Variants in OR51B5 observed in about 807,000 individuals in gnomAD.
OR51B5 encodes the protein olfactory receptor family 51 subfamily B member 5, also known as olfactory receptor 51B5.
For missense variants in OR51B5, 456 were observed against 374.6 expected, an observed-to-expected ratio of 1.22 and a Z score of -1.79; for synonymous variants, 186 against 144.8, an observed-to-expected ratio of 1.28 and a Z score of -2.04.
At chr11:5,450,114 C>T (rs572624922) in intron 1 of OR51B5, among the ~76,000 whole-genome samples, 2 of 152,104 alleles carry the variant, frequency 1.3e-5, no homozygotes, top group Non-Finnish European at 2.9e-5. Flanking sequence ...ATACACCAGG[C>T]GTGGTGGCTC....
intron 1 of OR51B5, among the ~76,000 whole-genome samples, chr11:5,369,652 G>C (rs886147710): frequency 2.0e-5 from 3 of 151,846 alleles, no homozygotes; most frequent in Admixed American, 6.6e-5. Context: ...ATCCTCCCTG[G>C]AGATAATTTC....
At chr11:5,347,440 T>G (rs184689068), upstream of OR51B5, among the ~76,000 whole-genome samples, 53 of 152,306 alleles carry the variant, frequency 3.5e-4, no homozygotes, top group African/African-American at 1.1e-3. Flanking sequence ...CTTCTTGAGT[T>G]TAGCCTACCA....
At chr11:5,447,351 A>T (rs982422847) in intron 1 of OR51B5, among the ~76,000 whole-genome samples, 7 of 152,058 alleles carry the variant, frequency 4.6e-5, no homozygotes, top group African/African-American at 1.7e-4. Flanking sequence ...TGTGAGCTGC[A>T]TCTCTTCTAT....
At chr11:5,470,442 A>C (rs1851210999) in intron 1 of OR51B5, among the ~76,000 whole-genome samples, 1 of 152,164 alleles carries the variant, frequency 6.6e-6, no homozygotes, top group African/African-American at 2.4e-5. Context: ...AATACCTTGG[A>C]AATTATTGTC....
chr11:5,397,596 G>C (rs12805864), intron 1 of OR51B5, among the ~76,000 whole-genome samples: 74,129 of 146,010 alleles, frequency 0.51, 21,380 homozygotes, highest in Non-Finnish European at 0.67. Flanking sequence ...CTTTTACACT[G>C]TTGGTGGGAC....
intron 1 of OR51B5, among the ~76,000 whole-genome samples, chr11:5,427,807 T>A (rs1310160535): frequency 1.3e-5 from 2 of 152,138 alleles, no homozygotes; most frequent in East Asian, 3.8e-4. Context: ...TATTAGAAAA[T>A]AAAAACAACT....
At chr11:5,411,876 T>C (rs1850153696) in intron 1 of OR51B5, among the ~76,000 whole-genome samples, 1 of 152,164 alleles carries the variant, frequency 6.6e-6, no homozygotes, top group African/African-American at 2.4e-5. Context: ...AATCCAGGAA[T>C]GTGGTTGGCC....
chr11:5,432,953 C>T (rs1359886966), intron 1 of OR51B5, among the ~76,000 whole-genome samples: 2 of 152,146 alleles, frequency 1.3e-5, no homozygotes, highest in Non-Finnish European at 2.9e-5. Context: ...TAAAGATCAT[C>T]TCCATGTATC....
At chr11:5,369,996 G>C (rs1385101672) in intron 1 of OR51B5, among the ~76,000 whole-genome samples, 1 of 152,122 alleles carries the variant, frequency 6.6e-6, no homozygotes, top group African/African-American at 2.4e-5. Context: ...GTGTCAATCT[G>C]TATCAACAAG....
intron 1 of OR51B5, among the ~76,000 whole-genome samples, chr11:5,399,491 G>A (rs1273795502): frequency 2.0e-4 from 31 of 152,148 alleles, no homozygotes; most frequent in Admixed American, 6.5e-5. Context: ...GGTAAAGTAC[G>A]TAAAGTTATA....
chr11:5,400,811 C>G (rs115692473), intron 1 of OR51B5, among the ~76,000 whole-genome samples: 2,115 of 152,346 alleles, frequency 0.014, 44 homozygotes, highest in African/African-American at 0.048. Flanking sequence ...GGTGTGCTCA[C>G]TGGTTATAGA....
chr11:5,489,619 A>T (rs1324685098), intron 1 of OR51B5: 1 of 1,613,842 alleles, frequency 6.2e-7, no homozygotes. Context: ...GGAGATTCGG[A>T]GTCGACTTCT....
intron 1 of OR51B5, among the ~76,000 whole-genome samples, chr11:5,363,389 G>C (rs1452019851): frequency 6.8e-6 from 1 of 146,796 alleles, no homozygotes; most frequent in East Asian, 2.0e-4. Context: ...ATGGTGTTGA[G>C]TACATGATCC....
At chr11:5,405,142 A>G (rs10768920) in intron 1 of OR51B5, among the ~76,000 whole-genome samples, 127,519 of 152,142 alleles carry the variant, frequency 0.84, 53,933 homozygotes, top group Non-Finnish European at 0.89. Context: ...TTACATTTTC[A>G]GGGAAAGAAA....
chr11:5,364,749 A>T (rs957475885), intron 1 of OR51B5, among the ~76,000 whole-genome samples: 1 of 152,208 alleles, frequency 6.6e-6, no homozygotes, highest in African/African-American at 2.4e-5. Context: ...GAATGATCAA[A>T]GTCCCTTGTT....
At chr11:5,368,317 T>C (rs1849403298) in intron 1 of OR51B5, among the ~76,000 whole-genome samples, 1 of 152,228 alleles carries the variant, frequency 6.6e-6, no homozygotes, top group Non-Finnish European at 1.5e-5. Context: ...CAAAGCAATT[T>C]ATCTTTCTGT....
rs547004828 is a variant in OR51B5 at position 5,502,508 on chromosome 11, A to G, written n.84+3061T>C. Among the ~76,000 whole-genome samples, 54 of 152,334 alleles carry G rather than the reference A, an allele frequency of 3.5e-4. 1 individual carries two copies. Among genetic ancestry groups the G allele is most frequent in the African/African-American group, 1.2e-3 (50 of 41,578 alleles). ...CCTCCACAGAGATTCTATCATTCTA[A>G]AAATACATCCCTCCTCCTGCCATAT... On this transcript the variant is annotated intron_variant and non_coding_transcript_variant, in intron 1 of 4. Coordinates refer to the OR51B5 transcript ENST00000415970.
intron 1 of OR51B5, among the ~76,000 whole-genome samples, chr11:5,412,635 T>C (rs1007844475): frequency 8.5e-5 from 13 of 152,278 alleles, no homozygotes; most frequent in African/African-American, 2.6e-4. Context: ...CACCAGGAGA[T>C]TATATCCTGC....
chr11:5,351,971 T>G, intron 1 of OR51B5: 1 of 1,613,276 alleles, frequency 6.2e-7, no homozygotes, highest in African/African-American at 1.3e-5. Flanking sequence ...CTGTCCATTA[T>G]GCCAATAGTT....
Sources: allele counts gnomAD v4.1 joint callset (sites outside exome capture counted in the v4.1 genomes callset), GRCh38; gene constraint gnomAD v4.1.1; transcripts MANE v1.5; gene names NCBI Gene and HGNC (gene_info 2026-07-23, HGNC 2026-07-21).